CSGALNACT2: variants seen among roughly 807,000 people sequenced by gnomAD.
The protein encoded by CSGALNACT2 is beta 4 GalNAcT-2.
A neutral mutation model predicts 55.3 loss-of-function variants in CSGALNACT2; 35 were observed. The ratio of observed to expected loss-of-function variants is 0.63; its 90% CI spans 0.48 to 0.84. The LOEUF (loss-of-function observed/expected upper bound fraction) is 0.84. CSGALNACT2 is among the 40% of genes least tolerant of loss of function. The pLI is 0.00. For synonymous variants in CSGALNACT2, 196 were observed against 224.9 expected (o/e 0.87, Z 1.15); for missense variants, 544 against 657.5 (o/e 0.83, Z 1.89).
At chr10:43,176,079 T>C (rs1839476424) in intron 7 of CSGALNACT2, 47 bp downstream of exon 7, 2 of 1,435,786 alleles carry the variant, frequency 1.4e-6, no homozygotes, top group African/African-American at 2.9e-5. Flanking sequence ...TACTCCAGAC[T>C]TAATGGTATT....
At chr10:43,168,667 CACACAG>C (rs941833502) in intron 6 of CSGALNACT2, among the ~76,000 whole-genome samples, 5 of 66,160 alleles carry the variant, frequency 7.6e-5, no homozygotes, top group Non-Finnish European at 1.4e-4. Flanking sequence ...TGGCATAGTA[CACACAG>C]ACACACACAC....
At chr10:43,138,692 G>A (rs1263706299) in intron 1 of CSGALNACT2, 125 bp downstream of exon 1, 1 of 152,136 alleles carries the variant, frequency 6.6e-6, no homozygotes, top group Non-Finnish European at 1.5e-5. Flanking sequence ...GACCGGTCCT[G>A]CGGGGGGCCC....
At chr10:43,142,317 T>A (rs1272237201) in intron 1 of CSGALNACT2, among the ~76,000 whole-genome samples, 2 of 152,156 alleles carry the variant, frequency 1.3e-5, no homozygotes, top group African/African-American at 2.4e-5. Flanking sequence ...GTTCAAGTGA[T>A]TCTCCTGCCT....
At chr10:43,165,853 G>A (rs1185896577) in intron 5 of CSGALNACT2, among the ~76,000 whole-genome samples, 2 of 152,112 alleles carry the variant, frequency 1.3e-5, no homozygotes, top group African/African-American at 2.4e-5. Flanking sequence ...GTGGTGGCTT[G>A]TTCCTGTAAT....
chr10:43,180,541 C>T (rs2133158913), intron 7 of CSGALNACT2, among the ~76,000 whole-genome samples: 1 of 152,202 alleles, frequency 6.6e-6, no homozygotes, highest in South Asian at 2.1e-4. Context: ...GAGTATTATA[C>T]ATAGTTGTTT....
At chr10:43,163,219 C>T (rs78980357) in intron 4 of CSGALNACT2, 26,269 of 984,262 alleles carry the variant, frequency 0.027, 387 homozygotes, top group Non-Finnish European at 0.03. Flanking sequence ...CAGACATGAG[C>T]GATGTATTTT....
chr10:43,162,832 C>T, intron 4 of CSGALNACT2: 4 of 939,840 alleles, frequency 4.3e-6, no homozygotes, highest in Non-Finnish European at 5.1e-6. Flanking sequence ...CATGTTAACA[C>T]AGGAAGCTGA....
At chr10:43,148,885 C>T (rs1838816668) in intron 1 of CSGALNACT2, among the ~76,000 whole-genome samples, 1 of 152,018 alleles carries the variant, frequency 6.6e-6, no homozygotes, top group Admixed American at 6.6e-5. Flanking sequence ...ATTTTCTTGC[C>T]TAATTGCCTT....
chr10:43,177,358 A>T (rs1839500976), intron 7 of CSGALNACT2, among the ~76,000 whole-genome samples: 1 of 152,158 alleles, frequency 6.6e-6, no homozygotes, highest in Admixed American at 6.5e-5. Context: ...TATCACCACC[A>T]TCAAATTTAG....
At chr10:43,180,341 T>G (rs2133158552) in intron 7 of CSGALNACT2, among the ~76,000 whole-genome samples, 1 of 152,348 alleles carries the variant, frequency 6.6e-6, no homozygotes, top group East Asian at 1.9e-4. Flanking sequence ...TTTGGAAATT[T>G]TTATTGTCAT....
intron 4 of CSGALNACT2, among the ~76,000 whole-genome samples, chr10:43,161,846 C>T (rs953058161): frequency 6.6e-6 from 1 of 152,148 alleles, no homozygotes; most frequent in African/African-American, 2.4e-5. Context: ...CTACTGCCAC[C>T]ACCCTAACCC....
chr10:43,177,843 C>T (rs1365989634), intron 7 of CSGALNACT2, among the ~76,000 whole-genome samples: 2 of 152,192 alleles, frequency 1.3e-5, no homozygotes, highest in African/African-American at 4.8e-5. Context: ...ATTGCCACAC[C>T]GTTTTCCAAA....
chr10:43,143,864 A>C (rs1014290011), intron 1 of CSGALNACT2, among the ~76,000 whole-genome samples: 1 of 152,202 alleles, frequency 6.6e-6, no homozygotes, highest in East Asian at 1.9e-4. Context: ...TTTGTTGAAA[A>C]AGTGCTGCTT....
intron 7 of CSGALNACT2, among the ~76,000 whole-genome samples, chr10:43,181,737 C>T (rs1839592710): frequency 6.7e-6 from 1 of 149,238 alleles, no homozygotes. Flanking sequence ...ATGATTGCAC[C>T]TCTGCACTCC....
At chr10:43,145,623 G>C (rs1402778890) in intron 1 of CSGALNACT2, among the ~76,000 whole-genome samples, 15 of 151,906 alleles carry the variant, frequency 9.9e-5, no homozygotes, top group Non-Finnish European at 2.9e-5. Flanking sequence ...ATATTGCCCA[G>C]GCTGATCTCA....
chr10:43,158,969 TA>T (rs746640198), intron 3 of CSGALNACT2, 38 bp downstream of exon 3: 76 of 1,244,724 alleles, frequency 6.1e-5, no homozygotes, highest in Middle Eastern at 2.0e-4. Flanking sequence ...TACATTCTCC[TA>T]AAAAAAATCA....
rs201453762 is a variant in CSGALNACT2, at chr10:43,183,304, G to A, written c.1391G>A (p.Arg464Gln). The change falls in exon 8 of 8, where the codon CGA becomes CAA. Residue 464 changes from arginine to glutamine, a missense_variant. Around this residue, in one of 2 missense-constraint regions of CSGALNACT2, gnomAD observed 170 missense variants for 256.2 expected, o/e 0.66. Coordinates refer to ENST00000374466, the MANE Select transcript of CSGALNACT2 (RefSeq NM_018590.5). ...GGTGGAGAAGATGTTCATCTTTATCGAAAATACTTACATGGTGACCTCATT... is the reference window on the plus strand; with the variant it reads ...GGTGGAGAAGATGTTCATCTTTATCAAAAATACTTACATGGTGACCTCATT... The part of the protein sequence containing the change: ...GWGGEDVHLY[R>Q]KYLHGDLIVI... The A allele has an allele frequency of 2.4e-5, 39 of 1,613,644 alleles. No homozygotes were observed. The Admixed American group carries it at 3.0e-4, about 12-fold the overall frequency.
intron 6 of CSGALNACT2, among the ~76,000 whole-genome samples, chr10:43,168,569 T>C (rs1839316188): frequency 6.6e-6 from 1 of 152,084 alleles, no homozygotes; most frequent in African/African-American, 2.4e-5. Flanking sequence ...TATAAGCTTT[T>C]CCAGACTCTC....
rs1193772911 is a variant in CSGALNACT2, at chr10:43,184,278, G to A, written c.*736G>A. 1 of 152,080 alleles carries A rather than the reference G, an allele frequency of 6.6e-6. No homozygotes were observed. Among genetic ancestry groups the A allele is most frequent in the Non-Finnish European group, 1.5e-5 (1 of 68,002 alleles). 9.4% of individuals were successfully genotyped at this position (152,080 alleles called of 1,614,324 possible). A position where few individuals can be genotyped will look rare whatever the true frequency, so the allele number is the denominator to read the frequency against. ...ATTTTGAACAAACAGAAAAGAACACGGAAACATTTTTAACAGAGCATTTAA... is the reference window on the plus strand; with the variant it reads ...ATTTTGAACAAACAGAAAAGAACACAGAAACATTTTTAACAGAGCATTTAA... On this transcript the variant is annotated 3_prime_UTR_variant, in exon 8 of 8. Coordinates refer to ENST00000374466, the MANE Select transcript of CSGALNACT2 (RefSeq NM_018590.5).
Sources: allele counts gnomAD v4.1 joint callset (sites outside exome capture counted in the v4.1 genomes callset), GRCh38; gene constraint gnomAD v4.1.1; regional missense constraint gnomAD v4.1.1; transcripts MANE v1.5; gene names NCBI Gene and HGNC (gene_info 2026-07-23, HGNC 2026-07-21).